The following PDE3A variants were observed in gnomAD, a reference collection of about 807,000 sequenced individuals.
The protein encoded by PDE3A is cGMP-inhibited 3',5'-cyclic phosphodiesterase 3A.
A neutral mutation model predicts 98.3 loss-of-function variants in PDE3A; 43 were observed. That is an observed-to-expected ratio of 0.44 (90% confidence interval 0.34 to 0.56). The LOEUF (loss-of-function observed/expected upper bound fraction) is 0.56. PDE3A is among the 20% of genes least tolerant of loss of function. The probability of loss-of-function intolerance (pLI) is 0.01; values close to 1 mark genes in which losing one functional copy is unlikely to be tolerated. For missense variants in PDE3A, 1,427 were observed against 1,440.7 expected (o/e 0.99, Z 0.15); for synonymous variants, 663 against 567.9 (o/e 1.17, Z -2.38).
At position 20,688,255 on chromosome 12, in the gene PDE3A, C is replaced by A. The variant is rs116793292; in HGVS notation, c.*7984C>A. 3.0e-4 allele frequency among the ~76,000 whole-genome samples: 46 copies of A among 152,026 alleles called. No homozygotes were observed. The highest frequency in any genetic ancestry group is 1.1e-3 in the African/African-American group (44 of 41,532). On this transcript the variant is annotated 3_prime_UTR_variant, in exon 16 of 16. Coordinates refer to ENST00000359062, the MANE Select transcript of PDE3A (RefSeq NM_000921.5). ...ATAAATCTTGTCCTTTCACCTATAT[C>A]TTCCATTTAATATATGTAGCAATAC...
intron 1 of PDE3A, among the ~76,000 whole-genome samples, chr12:20,437,272 A>T (rs1207727028): frequency 1.3e-5 from 2 of 152,164 alleles, no homozygotes; most frequent in African/African-American, 4.8e-5. Context: ...TATGGCCAGC[A>T]TTTGGGAACC....
intron 1 of PDE3A, among the ~76,000 whole-genome samples, chr12:20,508,662 T>C (rs907085251): frequency 3.9e-5 from 6 of 152,052 alleles, no homozygotes; most frequent in Non-Finnish European, 7.4e-5. Context: ...GCAGCCTAGA[T>C]GAAGCGGTTA....
chr12:20,416,556 C>T (rs1944424579), intron 1 of PDE3A, among the ~76,000 whole-genome samples: 1 of 152,126 alleles, frequency 6.6e-6, no homozygotes, highest in South Asian at 2.1e-4. Context: ...TTTGCAGTTA[C>T]TTTAAAGTAC....
chr12:20,524,392 G>T (rs796734482), intron 1 of PDE3A, among the ~76,000 whole-genome samples: 6 of 152,234 alleles, frequency 3.9e-5, no homozygotes, highest in African/African-American at 1.4e-4. Flanking sequence ...TTAGAAGAGA[G>T]GGGGGATCTT....
At chr12:20,386,141 A>C (rs1943784115) in intron 1 of PDE3A, among the ~76,000 whole-genome samples, 1 of 90,656 alleles carries the variant, frequency 1.1e-5, no homozygotes, top group African/African-American at 5.1e-5. Context: ...AAATATATAT[A>C]AATATATATA....
chr12:20,469,993 A>C (rs1215335834), intron 1 of PDE3A, among the ~76,000 whole-genome samples: 5 of 152,082 alleles, frequency 3.3e-5, no homozygotes, highest in Non-Finnish European at 7.4e-5. Context: ...ACTCTGGGAA[A>C]TTGCATCTCC....
chr12:20,639,678 C>G (rs892045287), intron 9 of PDE3A, among the ~76,000 whole-genome samples, 168 bp from the exon 10 acceptor site: 1 of 152,132 alleles, frequency 6.6e-6, no homozygotes, highest in Non-Finnish European at 1.5e-5. Flanking sequence ...CAATATACAG[C>G]CTGCCTTTTG....
At chr12:20,582,210 T>A (rs569900832) in intron 2 of PDE3A, among the ~76,000 whole-genome samples, 17 of 151,976 alleles carry the variant, frequency 1.1e-4, no homozygotes, top group Non-Finnish European at 1.9e-4. Context: ...GTTGTTATTA[T>A]TGAGACTGGG....
At chr12:20,653,500 T>C (rs1468733033) in intron 14 of PDE3A, among the ~76,000 whole-genome samples, 2 of 151,946 alleles carry the variant, frequency 1.3e-5, no homozygotes, top group Non-Finnish European at 2.9e-5. Flanking sequence ...GTAGCTGGGA[T>C]TACAGGCACC....
intron 1 of PDE3A, among the ~76,000 whole-genome samples, chr12:20,531,662 AT>A (rs1413322924): frequency 6.6e-6 from 1 of 152,178 alleles, no homozygotes; most frequent in African/African-American, 2.4e-5. Context: ...TGTGAAATTT[AT>A]TCTGTTGGAA....
At chr12:20,481,319 CT>C (rs1945620832) in intron 1 of PDE3A, among the ~76,000 whole-genome samples, 1 of 152,080 alleles carries the variant, frequency 6.6e-6, no homozygotes, top group African/African-American at 2.4e-5. Flanking sequence ...GATTTTAGCC[CT>C]TCATAGAAAG....
intron 1 of PDE3A, among the ~76,000 whole-genome samples, chr12:20,547,008 T>C (rs1390269580): frequency 6.6e-6 from 1 of 152,064 alleles, no homozygotes; most frequent in East Asian, 1.9e-4. Flanking sequence ...CAATCCCTTT[T>C]TAAATTTAAC....
chr12:20,490,862 G>C (rs1051781682), intron 1 of PDE3A, among the ~76,000 whole-genome samples: 8 of 152,130 alleles, frequency 5.3e-5, no homozygotes, highest in African/African-American at 1.9e-4. Flanking sequence ...TGTGATTTCA[G>C]TTATTTGGGA....
At chr12:20,469,806 A>T (rs1945405469) in intron 1 of PDE3A, among the ~76,000 whole-genome samples, 1 of 152,232 alleles carries the variant, frequency 6.6e-6, no homozygotes, top group Non-Finnish European at 1.5e-5. Context: ...TATCTAGGAA[A>T]TGAAAACAGT....
chr12:20,656,049 A>G (rs112060035), intron 15 of PDE3A, among the ~76,000 whole-genome samples: 10 of 152,328 alleles, frequency 6.6e-5, no homozygotes, highest in African/African-American at 2.2e-4. Context: ...TGAAACAAAT[A>G]GTGACTAATA....
At chr12:20,538,366 G>A (rs932705931) in intron 1 of PDE3A, among the ~76,000 whole-genome samples, 3 of 152,072 alleles carry the variant, frequency 2.0e-5, no homozygotes, top group African/African-American at 7.2e-5. Context: ...AAATAGGAAG[G>A]CAGAAAGGCA....
intron 1 of PDE3A, among the ~76,000 whole-genome samples, chr12:20,399,841 A>G (rs1944087505): frequency 6.6e-6 from 1 of 152,210 alleles, no homozygotes; most frequent in African/African-American, 2.4e-5. Context: ...GTAACCATAT[A>G]TGACAAGGCT....
chr12:20,417,641 A>C (rs967268575), intron 1 of PDE3A, among the ~76,000 whole-genome samples: 13 of 152,202 alleles, frequency 8.5e-5, no homozygotes, highest in African/African-American at 3.1e-4. Context: ...TCATTTAGGC[A>C]ATTAAAGCCT....
chr12:20,664,275 A>G (rs964789107), intron 15 of PDE3A, among the ~76,000 whole-genome samples: 8 of 152,162 alleles, frequency 5.3e-5, no homozygotes, highest in African/African-American at 1.9e-4. Flanking sequence ...GAAATTCACA[A>G]TCTAATGGGA....
Sources: allele counts gnomAD v4.1 joint callset (sites outside exome capture counted in the v4.1 genomes callset), GRCh38; gene constraint gnomAD v4.1.1; transcripts MANE v1.5; gene names NCBI Gene and HGNC (gene_info 2026-07-23, HGNC 2026-07-21).